The following RANGAP1 variants were observed in gnomAD, a reference collection of about 807,000 sequenced individuals.
RANGAP1 encodes the protein ran GTPase-activating protein 1.
In RANGAP1, 38 loss-of-function variants were observed where a neutral mutation model predicts 63.5. That is an observed-to-expected ratio of 0.60 (90% CI 0.46 to 0.78). The LOEUF is 0.78. Among genes scored for constraint, RANGAP1 ranks in the 30% least tolerant of loss-of-function variants. RANGAP1 has a pLI of 0.00. For missense variants in RANGAP1, 630 were observed against 740.3 expected (o/e 0.85, Z 1.73); for synonymous variants, 329 against 310.5 (o/e 1.06, Z -0.63).
At chr22:41,265,035 G>T (rs778625362) in intron 4 of RANGAP1, among the ~76,000 whole-genome samples, 192 bp from the exon 5 acceptor site, 15 of 152,256 alleles carry the variant, frequency 9.9e-5, no homozygotes, top group African/African-American at 3.4e-4. Flanking sequence ...GAGAGTGGGG[G>T]ATGCGTATGC....
At chr22:41,277,587 G>T in intron 2 of RANGAP1, 18 of 1,003,772 alleles carry the variant, frequency 1.8e-5, no homozygotes, top group Non-Finnish European at 2.4e-5. Flanking sequence ...TTCTGGTCAA[G>T]AAGGGTCTTG....
At chr22:41,295,511 A>C in the RANGAP1 span, among the ~76,000 whole-genome samples, 1 of 151,674 alleles carries the variant, frequency 6.6e-6, no homozygotes, top group African/African-American at 2.4e-5. Context: ...CATGCTCCTT[A>C]AGAGTCATCA....
rs945347149 is a variant in RANGAP1 at position 41,257,845 on chromosome 22, G to T, written c.774+103C>A. On this transcript the variant is annotated intron_variant, in intron 7 of 15. Transcript: ENST00000356244. The surrounding 1 kb of genome is among the most constrained non-coding windows in gnomAD (Gnocchi z 4.0). ...GGGCACACACCCAGGGGGCAGGCAG[G>T]GGGTAGAGGAGTCCCTGCTAAACGG... 1.5e-5 allele frequency: 20 copies of T among 1,353,870 alleles called. No homozygotes were observed. Among genetic ancestry groups the T allele is most frequent in the East Asian group, 9.9e-5 (4 of 40,446 alleles). The allele number at this position is 1,353,870 out of a possible 1,614,324, so 83.9% of individuals were successfully genotyped here.
intron 4 of RANGAP1, among the ~76,000 whole-genome samples, chr22:41,265,797 T>G (rs1303465428): frequency 6.6e-6 from 1 of 152,152 alleles, no homozygotes; most frequent in African/African-American, 2.4e-5. Context: ...AAGGGAGACT[T>G]TCTGCCCTCA....
intron 12 of RANGAP1, among the ~76,000 whole-genome samples, 200 bp downstream of exon 12, chr22:41,252,672 G>A (rs948717979): frequency 2.0e-5 from 3 of 152,192 alleles, no homozygotes; most frequent in Admixed American, 1.3e-4. Context: ...TGTAGGCTGA[G>A]TGGGGAGGGA....
intron 12 of RANGAP1, 145 bp downstream of exon 12, chr22:41,252,727 G>A (rs529157881): frequency 1.1e-5 from 10 of 940,100 alleles, no homozygotes; most frequent in East Asian, 7.0e-5. Flanking sequence ...GGACATTTGC[G>A]CGTGTTGTAA....
chr22:41,287,985 CTAAA>C (rs910820056), upstream of RANGAP1, among the ~76,000 whole-genome samples: 9 of 152,234 alleles, frequency 5.9e-5, no homozygotes, highest in East Asian at 7.7e-4. Context: ...AACTCCGTCT[CTAAA>C]TAAATAAATA....
chr22:41,265,395 G>A (rs1015442279), intron 4 of RANGAP1, among the ~76,000 whole-genome samples: 1 of 152,208 alleles, frequency 6.6e-6, no homozygotes, highest in Non-Finnish European at 1.5e-5. Context: ...CAGAAAGGGG[G>A]GCTGGAGTGC....
chr22:41,264,821 A>T lies in RANGAP1; in HGVS notation c.323T>A (p.Ile108Asn). ...PALISLGEGLITAGAQLVELD... is the reference protein window; with the variant it reads ...PALISLGEGLNTAGAQLVELD... ...CTCCACCAGCTGAGCCCCAGCTGTG[A>T]TGAGTCCTTCCCCTAGTGAGATCTG... Residue 108 changes from isoleucine to asparagine, a missense_variant, in exon 5 of 16, where the codon ATC becomes AAC. Physicochemically the swap from Ile to Asn is moderately radical, Grantham distance 149. Around this residue, in one of 3 missense-constraint regions of RANGAP1, gnomAD observed 137 missense variants for 214.3 expected, o/e 0.64. Transcript: ENST00000356244. 1 of 1,612,320 alleles carries T rather than the reference A, an allele frequency of 6.2e-7. No homozygotes were observed. Among genetic ancestry groups the T allele is most frequent in the Non-Finnish European group, 8.5e-7 (1 of 1,178,476 alleles).
intron 6 of RANGAP1, among the ~76,000 whole-genome samples, chr22:41,259,526 G>A (rs2034040225): frequency 6.6e-6 from 1 of 152,182 alleles, no homozygotes; most frequent in Non-Finnish European, 1.5e-5. Context: ...CCAAACGCAT[G>A]CTGTAGTGAT....
intron 13 of RANGAP1, 43 bp downstream of exon 13, chr22:41,250,964 T>C (rs1169910568): frequency 3.3e-6 from 5 of 1,523,592 alleles, no homozygotes; most frequent in Non-Finnish European, 4.5e-6. Context: ...CCCACGAGCA[T>C]CAAGGGACAG....
chr22:41,264,673 G>A lies in RANGAP1; in HGVS notation c.471C>T (p.Gly157=), dbSNP rs1237147230. The part of the protein sequence containing the change: ...LKLNNCGMGI[G]GGKILAAALT... ...GGGCTGCCACACCCACCTTGCCGCC[G>A]CCAATGCCCATGCCACAGTTGTTGA... The change falls in exon 5 of 16, where the codon GGC becomes GGT. Residue 157 remains glycine, a synonymous_variant. Coordinates refer to ENST00000356244, the MANE Select transcript of RANGAP1 (RefSeq NM_002883.4). 5.0e-6 allele frequency: 8 copies of A among 1,610,578 alleles called. No homozygotes were observed. The highest frequency in any genetic ancestry group is 2.7e-5 in the African/African-American group (2 of 75,016).
chr22:41,285,833 T>G, intron 1 of RANGAP1, 153 bp downstream of exon 1: 1 of 506,490 alleles, frequency 2.0e-6, no homozygotes, highest in Non-Finnish European at 2.5e-6. Flanking sequence ...ACAACCCCAC[T>G]CCCACCGCCA....
At chr22:41,295,709 A>G in the RANGAP1 span, among the ~76,000 whole-genome samples, 741 of 151,284 alleles carry the variant, frequency 4.9e-3, 3 homozygotes, top group Admixed American at 7.3e-3. Flanking sequence ...AAAAAAAAAA[A>G]AAAGAAAGAA....
chr22:41,260,392 C>A (rs904415859), intron 6 of RANGAP1, among the ~76,000 whole-genome samples: 1 of 152,170 alleles, frequency 6.6e-6, no homozygotes, highest in Admixed American at 6.5e-5. Context: ...AGCTCCCCTG[C>A]AGCCAGGGGT....
chr22:41,250,931 G>A, intron 13 of RANGAP1, 76 bp downstream of exon 13: 1 of 1,263,688 alleles, frequency 7.9e-7, no homozygotes, highest in African/African-American at 1.5e-5. Flanking sequence ...ACGAGTTACG[G>A]CAACCACGAA....
intron 2 of RANGAP1, among the ~76,000 whole-genome samples, chr22:41,279,375 CA>C (rs1038532666): frequency 5.3e-5 from 8 of 151,300 alleles, no homozygotes; most frequent in Non-Finnish European, 1.0e-4. Flanking sequence ...GAGGCTGAGG[CA>C]GGAGAATGGC....
At chr22:41,295,520 C>T in the RANGAP1 span, among the ~76,000 whole-genome samples, 7 of 151,370 alleles carry the variant, frequency 4.6e-5, no homozygotes, top group Non-Finnish European at 1.0e-4. Flanking sequence ...TAAGAGTCAT[C>T]ACCACTCCCT....
chr22:41,250,756 G>A (rs981398674), intron 13 of RANGAP1, among the ~76,000 whole-genome samples: 2 of 152,226 alleles, frequency 1.3e-5, no homozygotes, highest in Admixed American at 1.3e-4. Flanking sequence ...TCCTAGAGCG[G>A]GCTATGGGTT....
Sources: allele counts gnomAD v4.1 joint callset (sites outside exome capture counted in the v4.1 genomes callset), GRCh38; gene constraint gnomAD v4.1.1; regional missense constraint gnomAD v4.1.1; non-coding constraint Gnocchi (gnomAD v3.1); transcripts MANE v1.5; gene names NCBI Gene and HGNC (gene_info 2026-07-23, HGNC 2026-07-21).